CADM4: variants seen among roughly 807,000 people sequenced by gnomAD.
CADM4 encodes the protein TSLC1-like 2.
Under a neutral mutation model 43.9 loss-of-function variants are expected in CADM4, and 13 were observed. That is an observed-to-expected ratio of 0.30 (90% CI 0.19 to 0.47). The LOEUF is 0.47. Ranked by LOEUF, CADM4 falls within the 20% of genes least tolerant of loss-of-function variation. CADM4 has a pLI of 1.00. For synonymous variants in CADM4, 209 were observed against 220.9 expected (o/e 0.95, Z 0.48); for missense variants, 420 against 527.0 (o/e 0.80, Z 1.99).
In CADM4 at chr19:43,627,239, C is replaced by T; in HGVS notation, c.291G>A (p.Glu97=). The T allele has an allele frequency of 6.2e-7, 1 of 1,604,456 alleles. No homozygotes were observed. The highest frequency in any genetic ancestry group is 8.5e-7 in the Non-Finnish European group (1 of 1,175,224). The change falls in exon 3 of 9, where the codon GAG becomes GAA. Residue 97 remains glutamate (E), a synonymous_variant. Transcript: ENST00000222374. The surrounding 1 kb of genome is among the most constrained non-coding windows in gnomAD (Gnocchi z 4.0). ...VRIRLSDARL[E]DEGGYFCQLY... ...GCTGGCAGAAATAGCCCCCCTCGTCCTCCAGGCGGGCATCTGAGAGCCGGA... is the reference window on the plus strand; with the variant it reads ...GCTGGCAGAAATAGCCCCCCTCGTCTTCCAGGCGGGCATCTGAGAGCCGGA...
intron 1 of CADM4, among the ~76,000 whole-genome samples, chr19:43,635,031 T>C (rs1238427102): frequency 2.6e-5 from 4 of 151,542 alleles, no homozygotes; most frequent in Non-Finnish European, 5.9e-5. Context: ...AGCCCTCTCC[T>C]AGCTTAGACA....
In CADM4 at chr19:43,622,449, G is replaced by A. The variant is rs1973451214; in HGVS notation, c.*881C>T. ...CCCCTCCCCACCCCGTACAAAATGT[G>A]TGTGTGGTTTTTTGTTTTTTGTTTT... On this transcript the variant is annotated 3_prime_UTR_variant, in exon 9 of 9. Coordinates refer to ENST00000222374, the MANE Select transcript of CADM4 (RefSeq NM_145296.2). 6.6e-6 allele frequency: 1 copy of A among 152,180 alleles called. No homozygotes were observed. The highest frequency in any genetic ancestry group is 1.5e-5 in the Non-Finnish European group (1 of 68,110). The allele number at this position is 152,180 out of a possible 1,614,324, so 9.4% of individuals were successfully genotyped here. A position where few individuals can be genotyped will look rare whatever the true frequency, so the allele number is the denominator to read the frequency against.
intron 1 of CADM4, among the ~76,000 whole-genome samples, chr19:43,635,142 G>C (rs1372049695): frequency 6.6e-6 from 1 of 151,394 alleles, no homozygotes; most frequent in Non-Finnish European, 1.5e-5. Flanking sequence ...AAGCAGGGTG[G>C]GGGGAGCGCT....
intron 1 of CADM4, among the ~76,000 whole-genome samples, chr19:43,628,962 G>A (rs1376692657): frequency 1.3e-5 from 2 of 152,204 alleles, no homozygotes; most frequent in East Asian, 3.8e-4. Context: ...CCAAACTGCT[G>A]AACCCCAGAA....
At chr19:43,632,117 A>G (rs1207253438) in intron 1 of CADM4, among the ~76,000 whole-genome samples, 1 of 151,854 alleles carries the variant, frequency 6.6e-6, no homozygotes, top group Non-Finnish European at 1.5e-5. Context: ...TTCCTCCCCA[A>G]ATTTTCTCAA....
intron 1 of CADM4, among the ~76,000 whole-genome samples, chr19:43,639,164 G>C (rs929825171): frequency 6.6e-6 from 1 of 151,814 alleles, no homozygotes; most frequent in Non-Finnish European, 1.5e-5. Context: ...CAGAGAGGGA[G>C]GGCAGAAATC....
At chr19:43,636,045 C>T (rs961705285) in intron 1 of CADM4, among the ~76,000 whole-genome samples, 2 of 151,724 alleles carry the variant, frequency 1.3e-5, no homozygotes, top group African/African-American at 4.8e-5. Context: ...GTCCAGGCCC[C>T]CAGCCCCTCC....
In CADM4 at chr19:43,626,659, G is replaced by T; in HGVS notation, c.499+125C>A. 7.7e-7 allele frequency: 1 copy of T among 1,296,082 alleles called. No individual in the cohort carries two copies. The allele number at this position is 1,296,082 out of a possible 1,614,324, so 80.3% of individuals were successfully genotyped here. A position where few individuals can be genotyped will look rare whatever the true frequency, so the allele number is the denominator to read the frequency against. The stretch of plus-strand genomic sequence containing the variant: ...ACTACAGGCGTGAGCCACCGCGCTC[G>T]ACATCAACCACTACATATTGAATGT... On this transcript the variant is annotated intron_variant, in intron 4 of 8. Transcript: ENST00000222374. The surrounding 1 kb of genome is among the most constrained non-coding windows in gnomAD (Gnocchi z 5.9).
chr19:43,638,396 C>T (rs568183261), intron 1 of CADM4, among the ~76,000 whole-genome samples: 40 of 152,372 alleles, frequency 2.6e-4, no homozygotes, highest in African/African-American at 9.4e-4. Flanking sequence ...GATTTAAGCC[C>T]AGGCCGCCAG....
chr19:43,626,039 G>A lies in CADM4; in HGVS notation c.665-38C>T. 6.2e-7 allele frequency: 1 copy of A among 1,613,570 alleles called. No individual in the cohort carries two copies. Among genetic ancestry groups the A allele is most frequent in the Non-Finnish European group, 8.5e-7 (1 of 1,179,570 alleles). On this transcript the variant is annotated intron_variant, in intron 5 of 8. Coordinates refer to ENST00000222374, the MANE Select transcript of CADM4 (RefSeq NM_145296.2). This position sits in a 1 kb window ranked among gnomAD's most constrained non-coding sequence, Gnocchi z 5.9. ...AGTAAGAGGAGAGAGTAGTTTCCAA[G>A]CCATCACGCAGGACAAGGGGGACCC...
At chr19:43,640,522 C>T (rs568870454), upstream of CADM4, among the ~76,000 whole-genome samples, 10 of 152,022 alleles carry the variant, frequency 6.6e-5, no homozygotes, top group South Asian at 2.1e-4. Context: ...CTCCCTCTCT[C>T]CTGTCCTGAC....
At chr19:43,639,992 G>C (rs1973756026), upstream of CADM4, among the ~76,000 whole-genome samples, 1 of 150,420 alleles carries the variant, frequency 6.6e-6, no homozygotes, top group Admixed American at 6.6e-5. Flanking sequence ...GAACGGTGCG[G>C]GGTGCGAAAG....
At position 43,626,965 on chromosome 19, in the gene CADM4, TG is replaced by T; in HGVS notation, c.365-48del. ...TAAGGGGTTAAAGAAGGCACGAACG[TG>T]GGCTCAAAGCGATCGAGCTGCCTGT... On this transcript the variant is annotated intron_variant, in intron 3 of 8. Transcript: ENST00000222374. The surrounding 1 kb of genome is among the most constrained non-coding windows in gnomAD (Gnocchi z 5.9). The T allele has an allele frequency of 6.5e-7, 1 of 1,532,864 alleles. No homozygotes were observed. The highest frequency in any genetic ancestry group is 8.8e-7 in the Non-Finnish European group (1 of 1,138,056). The allele number at this position is 1,532,864 out of a possible 1,614,324, so 95.0% of individuals were successfully genotyped here.
Position 43,623,359 on chromosome 19 carries a change from G to A in CADM4, c.1138C>T (p.His380Tyr). The A allele has an allele frequency of 6.2e-7, 1 of 1,614,124 alleles. No individual in the cohort carries two copies. The highest frequency in any genetic ancestry group is 1.1e-5 in the South Asian group (1 of 91,088). Residue 380 changes from histidine (H) to tyrosine (Y), a missense_variant, in exon 9 of 9, where the codon CAC becomes TAC. By Grantham distance (83) the His-to-Tyr change is moderately conservative. Transcript: ENST00000222374. This position sits in a 1 kb window ranked among gnomAD's most constrained non-coding sequence, Gnocchi z 4.4. ...ATGAAGAATTCCTCTTTCCTCTTGT[G>A]TCCGTCGCTGCCATTGAGGAAGGCT... is the stretch of plus-strand genomic sequence containing the variant. ...REAFLNGSDG[H>Y]KRKEEFFI
In CADM4 at chr19:43,623,544, G is replaced by A. The variant is rs1973473647; in HGVS notation, c.1058-105C>T. The A allele has an allele frequency of 3.9e-6, 3 of 769,278 alleles. No homozygotes were observed. In the Admixed American group the frequency reaches 5.4e-5, roughly 14 times the overall value. The allele number at this position is 769,278 out of a possible 1,614,324, so 47.7% of individuals were successfully genotyped here. ...GAGACAGACAAGACACATGCCAGGC[G>A]AAGGAAGAGGGAGAAACGGAACACA... On this transcript the variant is annotated intron_variant, in intron 8 of 8. Transcript: ENST00000222374. The surrounding 1 kb of genome is among the most constrained non-coding windows in gnomAD (Gnocchi z 4.4).
chr19:43,635,039 A>T (rs991059789), intron 1 of CADM4, among the ~76,000 whole-genome samples: 4 of 151,312 alleles, frequency 2.6e-5, no homozygotes, highest in Admixed American at 2.6e-4. Context: ...CCTAGCTTAG[A>T]CACAGGAGTC....
In CADM4 at chr19:43,627,877, C is replaced by T. The variant is rs1172270926; in HGVS notation, c.65-87G>A. ...CTTTCTCCCTCTTCCCCATCCAAAC[C>T]TCCAATCCCTCTCTTTCCCCTCATT... On this transcript the variant is annotated intron_variant, in intron 1 of 8. Transcript: ENST00000222374. The surrounding 1 kb of genome is among the most constrained non-coding windows in gnomAD (Gnocchi z 4.0). 3 of 1,289,928 alleles carry T rather than the reference C, an allele frequency of 2.3e-6. No individual in the cohort carries two copies. Among genetic ancestry groups the T allele is most frequent in the South Asian group, 2.7e-5 (2 of 75,326 alleles). 79.9% of individuals were successfully genotyped at this position (1,289,928 alleles called of 1,614,324 possible). A position where few individuals can be genotyped will look rare whatever the true frequency, so the allele number is the denominator to read the frequency against.
chr19:43,633,263 A>G (rs1321674071), intron 1 of CADM4, among the ~76,000 whole-genome samples: 2 of 152,008 alleles, frequency 1.3e-5, no homozygotes, highest in African/African-American at 2.4e-5. Flanking sequence ...TTGTGGAGAC[A>G]CAGATTCTCC....
chr19:43,628,791 A>T (rs751706144), intron 1 of CADM4, among the ~76,000 whole-genome samples: 14 of 152,182 alleles, frequency 9.2e-5, no homozygotes, highest in Non-Finnish European at 2.1e-4. Flanking sequence ...CAGATGAACA[A>T]TCATGGTGAA....
Sources: allele counts gnomAD v4.1 joint callset (sites outside exome capture counted in the v4.1 genomes callset), GRCh38; gene constraint gnomAD v4.1.1; non-coding constraint Gnocchi (gnomAD v3.1); transcripts MANE v1.5; gene names NCBI Gene and HGNC (gene_info 2026-07-23, HGNC 2026-07-21).